The following PRDM2 variants were observed in gnomAD, a reference collection of about 807,000 sequenced individuals.
PRDM2 encodes PR/SET domain 2.
PRDM2 carries 30 observed loss-of-function variants against 130.0 expected under a neutral mutation model. That is an observed-to-expected ratio of 0.23 (90% CI 0.17 to 0.31). The LOEUF (loss-of-function observed/expected upper bound fraction) is 0.31. Ranked by LOEUF, PRDM2 falls within the 10% of genes least tolerant of loss-of-function variation. PRDM2 has a pLI of 1.00. For synonymous variants in PRDM2, 871 were observed against 782.4 expected, an observed-to-expected ratio of 1.11 and a Z score of -1.89; for missense variants, 2,011 against 2,108.4, an observed-to-expected ratio of 0.95 and a Z score of 0.90.
chr1:13,747,093 G>A (rs1015787403), intron 5 of PRDM2, among the ~76,000 whole-genome samples: 17 of 152,186 alleles, frequency 1.1e-4, no homozygotes. Context: ...AACTGCAGTG[G>A]AGTGAACAGG....
At chr1:13,797,284 C>G (rs1336587910) in intron 8 of PRDM2, among the ~76,000 whole-genome samples, 4 of 152,162 alleles carry the variant, frequency 2.6e-5, no homozygotes, top group African/African-American at 4.8e-5. Flanking sequence ...GTTTTATACT[C>G]TTACTGTCTT....
chr1:13,725,540 C>A (rs184647133), intron 2 of PRDM2, among the ~76,000 whole-genome samples: 5 of 152,258 alleles, frequency 3.3e-5, no homozygotes, highest in Admixed American at 3.3e-4. Context: ...CCTTTTCTAG[C>A]AGTAACATCT....
chr1:13,717,681 CTTTT>C (rs33938157), intron 2 of PRDM2, among the ~76,000 whole-genome samples: 1 of 148,788 alleles, frequency 6.7e-6, no homozygotes. Flanking sequence ...ATAACTACTA[CTTTT>C]TTTTTTTTTG....
At chr1:13,802,996 G>T (rs912770621) in intron 8 of PRDM2, among the ~76,000 whole-genome samples, 1 of 152,208 alleles carries the variant, frequency 6.6e-6, no homozygotes, top group Admixed American at 6.5e-5. Flanking sequence ...CCACCCTGCT[G>T]GGCTTCTCTC....
intron 1 of PRDM2, among the ~76,000 whole-genome samples, chr1:13,709,280 GT>G (rs752614804): frequency 6.6e-6 from 1 of 151,960 alleles, no homozygotes; most frequent in Non-Finnish European, 1.5e-5. Flanking sequence ...TAAATGTTTG[GT>G]TTAAAGAATT....
intron 7 of PRDM2, among the ~76,000 whole-genome samples, chr1:13,777,136 A>G (rs1644492602): frequency 6.6e-6 from 1 of 152,078 alleles, no homozygotes; most frequent in African/African-American, 2.4e-5. Context: ...ATTAGCCAGG[A>G]TTATTGCAGT....
At chr1:13,812,458 C>T (rs1237879798) in intron 8 of PRDM2, among the ~76,000 whole-genome samples, 1 of 152,152 alleles carries the variant, frequency 6.6e-6, no homozygotes, top group East Asian at 1.9e-4. Context: ...AAGAAAAGGG[C>T]TATTGGGCTT....
chr1:13,753,681 C>T (rs989821106), intron 6 of PRDM2, among the ~76,000 whole-genome samples: 4 of 152,020 alleles, frequency 2.6e-5, no homozygotes, highest in African/African-American at 9.7e-5. Context: ...GACTATTGAC[C>T]CTCCCTAAGA....
At chr1:13,768,363 G>T (rs1375599182) in intron 6 of PRDM2, among the ~76,000 whole-genome samples, 2 of 151,380 alleles carry the variant, frequency 1.3e-5, no homozygotes, top group Non-Finnish European at 2.9e-5. Flanking sequence ...GATTACAGGC[G>T]TGAGCCACCG....
rs377224326 is a variant in PRDM2 at position 13,779,811 on chromosome 1, A to G, written c.2016A>G (p.Ser672=). 71 of 1,614,094 alleles carry G rather than the reference A, an allele frequency of 4.4e-5. No individual in the cohort carries two copies. Among genetic ancestry groups the G allele is most frequent in the Non-Finnish European group, 5.8e-5 (69 of 1,180,048 alleles). Residue 672 remains serine, a synonymous_variant, in exon 8 of 10, where the codon TCA becomes TCG. Coordinates refer to ENST00000311066, the MANE Select transcript of PRDM2 (RefSeq NM_001393986.1). The surrounding 1 kb of genome is among the most constrained non-coding windows in gnomAD (Gnocchi z 4.9). The part of the protein sequence containing the change: ...SCSLSLPLSI[S]TTEAVSFHKE... ...CTTTAAGTCTTCCTCTTAGCATATC[A>G]ACAACAGAGGCAGTGTCTTTCCACA...
At chr1:13,792,511 C>T (rs533574925) in intron 8 of PRDM2, among the ~76,000 whole-genome samples, 144 of 152,296 alleles carry the variant, frequency 9.5e-4, no homozygotes, top group South Asian at 3.7e-3. Flanking sequence ...TTTTTATAAT[C>T]GCATCCAATC....
intron 8 of PRDM2, among the ~76,000 whole-genome samples, chr1:13,795,275 C>T (rs960322208): frequency 6.6e-6 from 1 of 152,162 alleles, no homozygotes; most frequent in African/African-American, 2.4e-5. Flanking sequence ...AAGGGCTTTC[C>T]ATGTATTACC....
intron 2 of PRDM2, among the ~76,000 whole-genome samples, chr1:13,721,280 G>A (rs1285213822): frequency 1.3e-5 from 2 of 152,096 alleles, no homozygotes; most frequent in Non-Finnish European, 2.9e-5. Flanking sequence ...AAGAGTTAGC[G>A]AAACCCTGGG....
chr1:13,751,888 A>C (rs1421061294), intron 6 of PRDM2, among the ~76,000 whole-genome samples: 1 of 152,110 alleles, frequency 6.6e-6, no homozygotes, highest in Non-Finnish European at 1.5e-5. Context: ...GTGTTTGGGT[A>C]GAGCAAAGCC....
chr1:13,794,721 C>T (rs186548410), intron 8 of PRDM2, among the ~76,000 whole-genome samples: 3 of 152,370 alleles, frequency 2.0e-5, no homozygotes, highest in Admixed American at 2.0e-4. Context: ...ACTATTATGA[C>T]TGACTGATGT....
At position 13,816,516 on chromosome 1, in the gene PRDM2, CCCAGTTCCAGGGA is replaced by C. The variant is rs1378908388; in HGVS notation, c.5130_5142del (p.Gln1710HisfsTer22). The C allele has an allele frequency of 1.2e-6, 2 of 1,614,182 alleles. No individual in the cohort carries two copies. Among genetic ancestry groups the C allele is most frequent in the Non-Finnish European group, 1.7e-6 (2 of 1,180,020 alleles). On this transcript the variant is annotated frameshift_variant, in exon 9 of 10. Coordinates refer to ENST00000311066, the MANE Select transcript of PRDM2 (RefSeq NM_001393986.1). LOFTEE classifies it high-confidence loss of function. ...AGGAAGGTCAAAGCTCCAGCTGCAG[CCCAGTTCCAGGGA>C]CCATTCTTCAAAGAGTAGACACTCT...
chr1:13,791,603 G>A (rs1437132442), intron 8 of PRDM2, among the ~76,000 whole-genome samples: 1 of 152,164 alleles, frequency 6.6e-6, no homozygotes, highest in East Asian at 1.9e-4. Flanking sequence ...AAACAAACAG[G>A]TATTTACGTT....
intron 1 of PRDM2, among the ~76,000 whole-genome samples, chr1:13,714,958 A>AC (rs1440147689): frequency 2.6e-5 from 4 of 152,242 alleles, no homozygotes; most frequent in Non-Finnish European, 5.9e-5. Flanking sequence ...ATTTTACTAT[A>AC]CTATGAATAC....
Position 13,745,874 on chromosome 1 carries a change from C to A in PRDM2, c.385-3487C>A, listed in dbSNP as rs72635660. On this transcript the variant is annotated intron_variant, in intron 5 of 9. Transcript: ENST00000311066. ...TGTTCACCCACTGGCGAGTTGAGGC[C>A]GAGATCTGACCTATGATTTTTTAAA... Among the ~76,000 whole-genome samples, 529 of 151,472 alleles carry A rather than the reference C, an allele frequency of 3.5e-3. 3 individuals carry two copies. Among genetic ancestry groups the A allele is most frequent in the Non-Finnish European group, 6.3e-3 (431 of 67,908 alleles).
Sources: allele counts gnomAD v4.1 joint callset (sites outside exome capture counted in the v4.1 genomes callset), GRCh38; gene constraint gnomAD v4.1.1; non-coding constraint Gnocchi (gnomAD v3.1); transcripts MANE v1.5; gene names NCBI Gene and HGNC (gene_info 2026-07-23, HGNC 2026-07-21).